FOXP1: variants seen among roughly 807,000 people sequenced by gnomAD.
FOXP1 encodes forkhead box P1.
A neutral mutation model predicts 98.2 loss-of-function variants in FOXP1; 15 were observed. The ratio of observed to expected loss-of-function variants is 0.15; its 90% CI spans 0.10 to 0.24. The LOEUF (loss-of-function observed/expected upper bound fraction) is 0.24, where lower values mean the gene tolerates loss of function less well. FOXP1 is among the 10% of genes least tolerant of loss of function. The pLI, the probability that FOXP1 is intolerant of heterozygous loss-of-function variation, is 1.00. For synonymous variants in FOXP1, 371 were observed against 314.5 expected (o/e 1.18, Z -1.90); for missense variants, 633 against 848.5 (o/e 0.75, Z 3.15).
chr3:71,251,191 G>C (rs747435353), intron 5 of FOXP1, among the ~76,000 whole-genome samples: 37 of 152,006 alleles, frequency 2.4e-4, no homozygotes, highest in Non-Finnish European at 4.3e-4. Flanking sequence ...ACTCTCTTTG[G>C]GACACATTGA....
In FOXP1 at chr3:71,397,047, TAC is replaced by T. The variant is rs34191747; in HGVS notation, c.-167-37805_-167-37804del. Reference sequence around the variant, plus strand: ...ATACATATATATGTGTATATATATATACACATATATATGTGTATATATATATA... The same window carrying T: ...ATACATATATATGTGTATATATATATACATATATATGTGTATATATATATA... On this transcript the variant is annotated intron_variant, in intron 3 of 20. Coordinates refer to ENST00000649528, the MANE Select transcript of FOXP1 (RefSeq NM_001349338.3). 3.6e-3 allele frequency among the ~76,000 whole-genome samples: 156 copies of T among 43,092 alleles called. 19 individuals are homozygous for T. Among genetic ancestry groups the T allele is most frequent in the East Asian group, 7.1e-3 (23 of 3,246 alleles). 28.3% of individuals were successfully genotyped at this position (43,092 alleles called of 152,430 possible). A position where few individuals can be genotyped will look rare whatever the true frequency, so the allele number is the denominator to read the frequency against.
intron 11 of FOXP1, among the ~76,000 whole-genome samples, chr3:71,019,051 G>A (rs1409759804): frequency 6.6e-6 from 1 of 152,150 alleles, no homozygotes; most frequent in Non-Finnish European, 1.5e-5. Context: ...AGCATCATTG[G>A]ACAACACCAG....
At chr3:71,156,658 T>A (rs1374461298) in intron 6 of FOXP1, among the ~76,000 whole-genome samples, 1 of 152,204 alleles carries the variant, frequency 6.6e-6, no homozygotes, top group Non-Finnish European at 1.5e-5. Context: ...GATAAGCTCT[T>A]TTCTAATGGG....
intron 2 of FOXP1, among the ~76,000 whole-genome samples, chr3:71,517,569 C>A (rs2042674557): frequency 6.6e-6 from 1 of 152,178 alleles, no homozygotes; most frequent in Non-Finnish European, 1.5e-5. Flanking sequence ...TTCATCCAAT[C>A]CTTCCCAGAA....
chr3:71,576,315 T>C (rs868531585), intron 2 of FOXP1, among the ~76,000 whole-genome samples: 2 of 152,188 alleles, frequency 1.3e-5, no homozygotes, highest in Admixed American at 6.5e-5. Flanking sequence ...CAACTGTGTA[T>C]GTATTCATAT....
At chr3:71,112,678 G>A in intron 6 of FOXP1, 41 bp from the exon 7 acceptor site, 1 of 1,426,818 alleles carries the variant, frequency 7.0e-7, no homozygotes, top group South Asian at 1.1e-5. Flanking sequence ...TTACTACACA[G>A]GTTCAGGGGA....
At chr3:71,350,289 G>A (rs557837480) in intron 4 of FOXP1, among the ~76,000 whole-genome samples, 5 of 152,208 alleles carry the variant, frequency 3.3e-5, no homozygotes, top group Middle Eastern at 3.4e-3. Context: ...CAAAAAGACC[G>A]TCTTTCCCTT....
intron 7 of FOXP1, among the ~76,000 whole-genome samples, chr3:71,062,374 T>C (rs1211704837): frequency 6.6e-6 from 1 of 152,198 alleles, no homozygotes; most frequent in Non-Finnish European, 1.5e-5. Context: ...TGGAAAAATA[T>C]GAGTTAATCC....
chr3:70,957,578 A>G lies in FOXP1; in HGVS notation c.*1669T>C, dbSNP rs919790134. 4.3e-6 allele frequency: 1 copy of G among 230,556 alleles called. No homozygotes were observed. The highest frequency in any genetic ancestry group is 2.2e-5 in the African/African-American group (1 of 45,142). The allele number at this position is 230,556 out of a possible 1,614,324, so 14.3% of individuals were successfully genotyped here. A position where few individuals can be genotyped will look rare whatever the true frequency, so the allele number is the denominator to read the frequency against. ...TTAAGCTTCGAAAGGCTCTCGAACT[A>G]AAAAAAACTACAGTCCTATATAAAT... On this transcript the variant is annotated 3_prime_UTR_variant, in exon 21 of 21. Coordinates refer to ENST00000649528, the MANE Select transcript of FOXP1 (RefSeq NM_001349338.3).
chr3:71,224,082 T>C (rs919771135), intron 5 of FOXP1, among the ~76,000 whole-genome samples: 1 of 152,218 alleles, frequency 6.6e-6, no homozygotes, highest in African/African-American at 2.4e-5. Context: ...TAACGAGTTG[T>C]ACCATCTGTA....
chr3:71,302,201 T>C (rs2073903823), intron 4 of FOXP1, among the ~76,000 whole-genome samples: 1 of 152,168 alleles, frequency 6.6e-6, no homozygotes, highest in Non-Finnish European at 1.5e-5. Flanking sequence ...GAGAAAAAGA[T>C]TAATAGTTCA....
chr3:71,085,106 G>A (rs2054888649), intron 7 of FOXP1, among the ~76,000 whole-genome samples: 1 of 152,126 alleles, frequency 6.6e-6, no homozygotes, highest in African/African-American at 2.4e-5. Context: ...GTCCAGCTCT[G>A]TAACAGCTTG....
chr3:71,582,897 GC>G, intron 1 of FOXP1: 1 of 800,784 alleles, frequency 1.2e-6, no homozygotes, highest in Non-Finnish European at 1.5e-6. Flanking sequence ...CCAGTGCGGG[GC>G]CCAGGGCCAG....
chr3:71,563,649 A>C (rs2046702914), intron 2 of FOXP1, among the ~76,000 whole-genome samples: 1 of 152,214 alleles, frequency 6.6e-6, no homozygotes, highest in Non-Finnish European at 1.5e-5. Context: ...TACATTTCAG[A>C]ATATGAGGAT....
chr3:71,183,144 G>A (rs951851914), intron 6 of FOXP1, among the ~76,000 whole-genome samples: 1 of 152,020 alleles, frequency 6.6e-6, no homozygotes, highest in African/African-American at 2.4e-5. Flanking sequence ...ACATTATTTC[G>A]GTAGGTTAAA....
chr3:70,972,003 G>C (rs1195965715), intron 18 of FOXP1: 11 of 1,407,806 alleles, frequency 7.8e-6, no homozygotes, highest in African/African-American at 1.5e-5. Context: ...GCAAGTAAAG[G>C]CTCTTACTGT....
intron 6 of FOXP1, among the ~76,000 whole-genome samples, chr3:71,148,302 G>A (rs1284917512): frequency 2.0e-5 from 3 of 152,112 alleles, no homozygotes; most frequent in Non-Finnish European, 4.4e-5. Context: ...ACTTGAACCC[G>A]GGAGGCGGAG....
chr3:71,581,594 G>A lies in FOXP1; in HGVS notation c.-343C>T. The A allele has an allele frequency of 1.0e-6, 1 of 985,610 alleles. No individual in the cohort carries two copies. The highest frequency in any genetic ancestry group is 1.2e-6 in the Non-Finnish European group (1 of 830,020). The allele number at this position is 985,610 out of a possible 1,614,324, so 61.1% of individuals were successfully genotyped here. A position where few individuals can be genotyped will look rare whatever the true frequency, so the allele number is the denominator to read the frequency against. ...GTAGGAGCGCCGCCTTCACGCCCGC[G>A]GAGGAGGCGCCGGCAGCACCATGGT... On this transcript the variant is annotated 5_prime_UTR_variant, in exon 2 of 21. Coordinates refer to ENST00000649528, the MANE Select transcript of FOXP1 (RefSeq NM_001349338.3).
chr3:71,241,462 G>C (rs1268642831), intron 5 of FOXP1, among the ~76,000 whole-genome samples: 1 of 152,102 alleles, frequency 6.6e-6, no homozygotes, highest in East Asian at 1.9e-4. Context: ...GGACACTCCG[G>C]TCTCCCCTCC....
Sources: allele counts gnomAD v4.1 joint callset (sites outside exome capture counted in the v4.1 genomes callset), GRCh38; gene constraint gnomAD v4.1.1; transcripts MANE v1.5; gene names NCBI Gene and HGNC (gene_info 2026-07-23, HGNC 2026-07-21).